DNAH5: variants seen among roughly 807,000 people sequenced by gnomAD.
DNAH5 encodes dynein axonemal heavy chain 5.
In DNAH5, 372 loss-of-function variants were observed where a neutral mutation model predicts 518.2. The ratio of observed to expected loss-of-function variants is 0.72; its 90% confidence interval spans 0.66 to 0.78. The LOEUF (loss-of-function observed/expected upper bound fraction) is 0.78. Ranked by LOEUF, DNAH5 falls within the 30% of genes least tolerant of loss-of-function variation. The pLI, the probability that DNAH5 is intolerant of heterozygous loss-of-function variation, is 0.00. For missense variants in DNAH5, 5,523 were observed against 5,687.0 expected (o/e 0.97, Z 0.93); for synonymous variants, 2,039 against 2,025.9 (o/e 1.01, Z -0.17).
chr5:13,718,783 T>G (rs1744644578), intron 72 of DNAH5, 99 bp downstream of exon 72: 1 of 997,670 alleles, frequency 1.0e-6, no homozygotes, highest in East Asian at 2.5e-5. Context: ...GTAGTACTAT[T>G]TGCTATAACT....
At chr5:13,888,348 C>T (rs1772713578) in intron 17 of DNAH5, among the ~76,000 whole-genome samples, 1 of 152,168 alleles carries the variant, frequency 6.6e-6, no homozygotes, top group Non-Finnish European at 1.5e-5. Context: ...CACCTCAGGG[C>T]CTTTGCACAT....
At chr5:13,949,447 A>G (rs1245954356), upstream of DNAH5, among the ~76,000 whole-genome samples, 1 of 152,218 alleles carries the variant, frequency 6.6e-6, no homozygotes, top group Non-Finnish European at 1.5e-5. Flanking sequence ...AGAGCTTCAA[A>G]TGGAGTGATA....
intron 12 of DNAH5, among the ~76,000 whole-genome samples, chr5:13,908,201 T>G (rs72634798): frequency 0.057 from 8,637 of 152,240 alleles, 564 homozygotes; most frequent in African/African-American, 0.16. Flanking sequence ...ATGTATTTTT[T>G]AAGTGACATT....
chr5:13,774,729 T>C (rs1376277673), intron 55 of DNAH5, among the ~76,000 whole-genome samples: 2 of 152,238 alleles, frequency 1.3e-5, no homozygotes, highest in East Asian at 1.9e-4. Flanking sequence ...CATGTAATCT[T>C]GGTTTGTGTT....
At chr5:13,995,301 A>G (rs1246799718) in intron 1 of DNAH5, among the ~76,000 whole-genome samples, 1 of 152,168 alleles carries the variant, frequency 6.6e-6, no homozygotes, top group Non-Finnish European at 1.5e-5. Flanking sequence ...CCAAACCCCC[A>G]AAGTCAGCCC....
chr5:13,769,188 G>A, intron 57 of DNAH5, 52 bp from the exon 58 acceptor site: 1 of 1,576,244 alleles, frequency 6.3e-7, no homozygotes, highest in Non-Finnish European at 8.7e-7. Flanking sequence ...TAAACATCCA[G>A]CTGAAAATGC....
At chr5:13,797,300 C>A (rs563893523) in intron 47 of DNAH5, among the ~76,000 whole-genome samples, 1 of 152,190 alleles carries the variant, frequency 6.6e-6, no homozygotes, top group South Asian at 2.1e-4. Flanking sequence ...GCAATCTACC[C>A]ATCTGAAAAA....
At position 13,898,437 on chromosome 5, in the gene DNAH5, T is replaced by G. The variant is rs79639731; in HGVS notation, c.2259+1769A>C. On this transcript the variant is annotated intron_variant, in intron 15 of 78. Transcript: ENST00000265104. ...ATGTGAAAGAGTCTAAAAGGGAATC[T>G]CAACATGCTGACTGGTATTTTATGA... 334 of 397,954 alleles carry G rather than the reference T, an allele frequency of 8.4e-4. 2 individuals are homozygous for G. The highest frequency in any genetic ancestry group is 5.2e-3 in the African/African-American group (253 of 48,752). 24.7% of individuals were successfully genotyped at this position (397,954 alleles called of 1,614,324 possible).
intron 65 of DNAH5, among the ~76,000 whole-genome samples, chr5:13,746,879 GT>G (rs969574118): frequency 2.1e-4 from 31 of 150,370 alleles, no homozygotes; most frequent in South Asian, 6.3e-4. Context: ...TACTATCCTT[GT>G]TTTTTTTTAA....
intron 66 of DNAH5, among the ~76,000 whole-genome samples, chr5:13,736,546 C>A (rs755970630): frequency 6.6e-6 from 1 of 151,722 alleles, no homozygotes; most frequent in East Asian, 1.9e-4. Flanking sequence ...AGGCGCCCAC[C>A]ACCATGCCTG....
intron 68 of DNAH5, among the ~76,000 whole-genome samples, chr5:13,732,313 A>G (rs1199181530): frequency 6.6e-6 from 1 of 152,124 alleles, no homozygotes; most frequent in African/African-American, 2.4e-5. Flanking sequence ...TCTGGTTCAT[A>G]GAAGACCATA....
rs548865601 is a variant in DNAH5 at position 13,818,993 on chromosome 5, T to C, written c.6842-1299A>G. Among the ~76,000 whole-genome samples, 4 of 152,344 alleles carry C rather than the reference T, an allele frequency of 2.6e-5. No individual in the cohort carries two copies. The South Asian group carries it at 8.3e-4, about 32-fold the overall frequency. On this transcript the variant is annotated intron_variant, in intron 41 of 78. Transcript: ENST00000265104. The stretch of plus-strand genomic sequence containing the variant: ...CAAATAGTCTAATGATTAATTCTTC[T>C]TTGCAAGGAACTTCTCCAGAATCAG...
At chr5:13,991,056 G>A (rs1042809699) in intron 1 of DNAH5, among the ~76,000 whole-genome samples, 3 of 152,132 alleles carry the variant, frequency 2.0e-5, no homozygotes, top group African/African-American at 4.8e-5. Context: ...AGGTGTCGGG[G>A]GCTGGATTGA....
intron 70 of DNAH5, among the ~76,000 whole-genome samples, chr5:13,725,660 A>G (rs1308015926): frequency 1.3e-5 from 2 of 151,774 alleles, no homozygotes; most frequent in African/African-American, 4.9e-5. Flanking sequence ...CCCTTTGTTG[A>G]GTATTTTTTT....
rs1429468369 is a variant in DNAH5, at chr5:13,713,456, TATATATATATAC to T, written c.13125+937_13125+948del. 2.9e-4 allele frequency among the ~76,000 whole-genome samples: 38 copies of T among 131,730 alleles called. No individual in the cohort carries two copies. The Middle Eastern group carries it at 0.011, about 38-fold the overall frequency. 86.4% of individuals were successfully genotyped at this position (131,730 alleles called of 152,430 possible). ...CGACATATATATATATATATATATA[TATATATATATAC>T]ACACACCGATATATATATATATATG... On this transcript the variant is annotated intron_variant, in intron 75 of 78. Transcript: ENST00000265104.
chr5:13,832,242 C>T (rs148679491), intron 35 of DNAH5, among the ~76,000 whole-genome samples: 6 of 152,282 alleles, frequency 3.9e-5, no homozygotes, highest in African/African-American at 1.4e-4. Context: ...TTATGCAGAC[C>T]CTCGTTACAA....
At chr5:13,951,962 T>C (rs1780451088) in intron 1 of DNAH5, among the ~76,000 whole-genome samples, 1 of 152,234 alleles carries the variant, frequency 6.6e-6, no homozygotes, top group Non-Finnish European at 1.5e-5. Context: ...CAAAATCATG[T>C]TGTCTTCCTA....
intron 65 of DNAH5, 74 bp from the exon 66 acceptor site, chr5:13,737,569 A>G (rs1357950847): frequency 2.0e-6 from 3 of 1,497,838 alleles, no homozygotes; most frequent in African/African-American, 2.8e-5. Context: ...ACGTTAACCT[A>G]CATGGCTGCT....
chr5:13,812,623 C>A (rs573082824), intron 43 of DNAH5, among the ~76,000 whole-genome samples: 1 of 152,152 alleles, frequency 6.6e-6, no homozygotes, highest in South Asian at 2.1e-4. Flanking sequence ...TTTTTTTTAA[C>A]AGAAAACAAA....
Sources: gnomAD v4.1 joint callset for allele counts (sites outside exome capture counted in the v4.1 genomes callset) on GRCh38, gnomAD v4.1.1 for gene constraint, MANE v1.5 for transcripts, NCBI Gene and HGNC (gene_info 2026-07-23, HGNC 2026-07-21) for gene names.